ASH1L: variants seen among roughly 807,000 people sequenced by gnomAD.
The protein encoded by ASH1L is histone-lysine N-methyltransferase ASH1L.
ASH1L carries 23 observed loss-of-function variants against 269.0 expected under a neutral mutation model. The observed-to-expected ratio is 0.09, with a 90% CI of 0.06 to 0.12. The LOEUF (loss-of-function observed/expected upper bound fraction) is 0.12, where lower values mean the gene tolerates loss of function less well. Among genes scored for constraint, ASH1L ranks in the 10% least tolerant of loss-of-function variants. The probability of loss-of-function intolerance (pLI) is 1.00; values close to 1 mark genes in which losing one functional copy is unlikely to be tolerated. For missense variants in ASH1L, 2,912 were observed against 3,567.8 expected (o/e 0.82, Z 4.68); for synonymous variants, 1,187 against 1,253.5 (o/e 0.95, Z 1.12).
intron 1 of ASH1L, among the ~76,000 whole-genome samples, chr1:155,525,034 G>C (rs1303105225): frequency 6.6e-6 from 1 of 152,122 alleles, no homozygotes; most frequent in Non-Finnish European, 1.5e-5. Flanking sequence ...GATCACTTGA[G>C]CTTAAGAGTT....
At chr1:155,538,808 CCTACT>C (rs1248981272) in intron 1 of ASH1L, among the ~76,000 whole-genome samples, 1 of 152,072 alleles carries the variant, frequency 6.6e-6, no homozygotes, top group African/African-American at 2.4e-5. Context: ...GCACCTGGCT[CCTACT>C]CTAGATTCTT....
At chr1:155,357,285 A>G in intron 15 of ASH1L, 31 bp downstream of exon 15, 1 of 1,551,468 alleles carries the variant, frequency 6.4e-7, no homozygotes, top group Non-Finnish European at 8.9e-7. Context: ...GTAACTTACA[A>G]AGAACATGGA....
In ASH1L at chr1:155,479,205, T is replaced by C; in HGVS notation, c.3665A>G (p.Lys1222Arg). Residue 1222 changes from lysine (K) to arginine (R), a missense_variant, in exon 3 of 28, where the codon AAG becomes AGG. Lys to Arg is a conservative substitution (Grantham distance 26, BLOSUM62 2). Around this residue, in one of 13 missense-constraint regions of ASH1L, gnomAD observed 789 missense variants for 897.6 expected, o/e 0.88. Coordinates refer to ENST00000392403, the MANE Select transcript of ASH1L (RefSeq NM_018489.3). The stretch of plus-strand genomic sequence containing the variant: ...AACATGCTCAAAAGAATGCCTCCTC[T>C]TTTTTTGCCCACAAAATTTCTCTGC... ...DRAEKFCGQK[K>R]RRHSFEHVSL... 1 of 1,614,138 alleles carries C rather than the reference T, an allele frequency of 6.2e-7. No individual in the cohort carries two copies. Among genetic ancestry groups the C allele is most frequent in the Non-Finnish European group, 8.5e-7 (1 of 1,180,012 alleles).
intron 1 of ASH1L, among the ~76,000 whole-genome samples, chr1:155,531,365 CTTTT>C (rs34974040): frequency 6.8e-6 from 1 of 146,220 alleles, no homozygotes; most frequent in Non-Finnish European, 1.5e-5. Context: ...CCAAAGAATT[CTTTT>C]TTTTTTTGAA....
intron 1 of ASH1L, among the ~76,000 whole-genome samples, chr1:155,561,350 A>G (rs1208973981): frequency 7.2e-6 from 1 of 138,618 alleles, no homozygotes; most frequent in East Asian, 2.0e-4. Flanking sequence ...ACTATTCTTA[A>G]GACCACAACT....
At chr1:155,418,404 G>A (rs2148551111) in intron 5 of ASH1L, among the ~76,000 whole-genome samples, 1 of 152,160 alleles carries the variant, frequency 6.6e-6, no homozygotes, top group Non-Finnish European at 1.5e-5. Context: ...ATAAGGCACT[G>A]GAGATCAGTG....
intron 1 of ASH1L, among the ~76,000 whole-genome samples, chr1:155,533,881 C>A (rs1401695498): frequency 6.6e-6 from 1 of 152,064 alleles, no homozygotes; most frequent in Non-Finnish European, 1.5e-5. Flanking sequence ...TTTATGGATT[C>A]ATCATTCTTA....
chr1:155,446,346 T>A (rs1450307980), intron 4 of ASH1L, among the ~76,000 whole-genome samples: 1 of 150,380 alleles, frequency 6.6e-6, no homozygotes, highest in Admixed American at 6.6e-5. Context: ...TCATCCAAGC[T>A]GGAGTGCAGT....
chr1:155,357,346 A>G lies in ASH1L; in HGVS notation c.7025T>C (p.Leu2342Ser). The G allele has an allele frequency of 6.2e-7, 1 of 1,613,906 alleles. No individual in the cohort carries two copies. Among genetic ancestry groups the G allele is most frequent in the South Asian group, 1.1e-5 (1 of 91,058 alleles). ...ACGATTGGACATTGGCTTCATCTGT[A>G]ATTGGGGGGTCAATCTAGTTGGGGT... ...INTPTRLTPQLQMKPMSNRER... is the reference protein window; with the variant it reads ...INTPTRLTPQSQMKPMSNRER... Residue 2342 changes from leucine (L) to serine (S), a missense_variant, in exon 15 of 28, where the codon TTA (leucine) becomes TCA (serine). Leu to Ser is a moderately radical substitution (Grantham distance 145). Around this residue, in one of 13 missense-constraint regions of ASH1L, gnomAD observed 309 missense variants for 435.1 expected, o/e 0.71. Coordinates refer to ENST00000392403, the MANE Select transcript of ASH1L (RefSeq NM_018489.3).
intron 3 of ASH1L, among the ~76,000 whole-genome samples, chr1:155,463,411 G>A (rs1041248261): frequency 6.6e-6 from 1 of 152,054 alleles, no homozygotes; most frequent in African/African-American, 2.4e-5. Flanking sequence ...ACGAGATAAT[G>A]TAATCCAAAA....
intron 12 of ASH1L, among the ~76,000 whole-genome samples, chr1:155,365,837 C>T (rs939501154): frequency 3.9e-5 from 6 of 152,166 alleles, no homozygotes; most frequent in African/African-American, 7.2e-5. Flanking sequence ...CACTTTCTGA[C>T]TGATCTCTTC....
chr1:155,557,197 T>C (rs1203262332), intron 1 of ASH1L, among the ~76,000 whole-genome samples: 1 of 151,984 alleles, frequency 6.6e-6, no homozygotes, highest in Admixed American at 6.6e-5. Flanking sequence ...AATGAAAAAA[T>C]ACAACTCTGA....
intron 4 of ASH1L, among the ~76,000 whole-genome samples, chr1:155,457,438 GT>G (rs1194984752): frequency 6.6e-6 from 1 of 152,168 alleles, no homozygotes; most frequent in Non-Finnish European, 1.5e-5. Flanking sequence ...CTATTTCATG[GT>G]TTTGTGCCTT....
intron 12 of ASH1L, among the ~76,000 whole-genome samples, chr1:155,364,628 C>T (rs914827153): frequency 1.3e-5 from 2 of 151,964 alleles, no homozygotes; most frequent in Non-Finnish European, 2.9e-5. Context: ...AGTACCCATT[C>T]TTTTACCTAT....
chr1:155,527,338 C>T (rs919341678), intron 1 of ASH1L, among the ~76,000 whole-genome samples: 6 of 152,090 alleles, frequency 3.9e-5, no homozygotes, highest in Admixed American at 3.9e-4. Context: ...CCAATCCTTG[C>T]TTTTTCTCTT....
Position 155,363,043 on chromosome 1 carries a change from G to C in ASH1L, c.6687-2634C>G, listed in dbSNP as rs142849036. Among the ~76,000 whole-genome samples the C allele has an allele frequency of 6.1e-3, 932 of 152,016 alleles. 10 individuals are homozygous for C. Among genetic ancestry groups the C allele is most frequent in the African/African-American group, 0.022 (908 of 41,476 alleles). On this transcript the variant is annotated intron_variant, in intron 12 of 27. Coordinates refer to ENST00000392403, the MANE Select transcript of ASH1L (RefSeq NM_018489.3). ...TTGTTGCCCAGGCTGGAGTGTAATG[G>C]CGGGAACTTGGCTCACTGCAACCTC...
chr1:155,484,936 AAAAAAAACAAAAAC>A (rs1235264157), intron 2 of ASH1L, among the ~76,000 whole-genome samples: 6 of 139,754 alleles, frequency 4.3e-5, no homozygotes, highest in African/African-American at 1.4e-4. Flanking sequence ...CTCAAAAAAA[AAAAAAAACAAAAAC>A]AAAAACAAAA....
chr1:155,563,193 CCG>C, upstream of ASH1L: 1 of 456,752 alleles, frequency 2.2e-6, no homozygotes, highest in Non-Finnish European at 4.4e-6. Flanking sequence ...TGGTTGGAGG[CCG>C]CGGCGGCTGC....
intron 5 of ASH1L, among the ~76,000 whole-genome samples, chr1:155,437,329 C>T (rs1310327497): frequency 6.6e-6 from 1 of 151,876 alleles, no homozygotes; most frequent in African/African-American, 2.4e-5. Flanking sequence ...CATAAATGGC[C>T]AATAAGCGTA....
Sources: gnomAD v4.1 joint callset for allele counts (sites outside exome capture counted in the v4.1 genomes callset) on GRCh38, gnomAD v4.1.1 for gene constraint, gnomAD v4.1.1 regional missense constraint, MANE v1.5 for transcripts, NCBI Gene and HGNC (gene_info 2026-07-23, HGNC 2026-07-21) for gene names.